Variants in IMMP2L observed in about 807,000 individuals in gnomAD.
The protein encoded by IMMP2L is inner mitochondrial membrane peptidase subunit 2.
IMMP2L carries 18 observed loss-of-function variants against 19.3 expected under a neutral mutation model. That is an observed-to-expected ratio of 0.93 (90% confidence interval 0.64 to 1.38). The LOEUF (loss-of-function observed/expected upper bound fraction) is 1.38, where lower values mean the gene tolerates loss of function less well. Ranked by LOEUF, IMMP2L falls within the 40% of genes most tolerant of loss-of-function variation. The probability of loss-of-function intolerance (pLI) is 0.00; values close to 1 mark genes in which losing one functional copy is unlikely to be tolerated. For missense variants in IMMP2L, 233 were observed against 218.2 expected (o/e 1.07, Z -0.43); for synonymous variants, 76 against 73.0 (o/e 1.04, Z -0.21).
At chr7:110,754,703 A>G (rs1457767955) in intron 5 of IMMP2L, among the ~76,000 whole-genome samples, 1 of 152,082 alleles carries the variant, frequency 6.6e-6, no homozygotes, top group Non-Finnish European at 1.5e-5. Flanking sequence ...AGAAAAACTA[A>G]TATACAAAAG....
intron 3 of IMMP2L, among the ~76,000 whole-genome samples, chr7:110,994,930 A>C (rs1201536783): frequency 1.3e-5 from 2 of 152,166 alleles, no homozygotes; most frequent in African/African-American, 4.8e-5. Flanking sequence ...CAAGAAATAA[A>C]GAAACATATT....
chr7:111,117,158 A>G (rs1223216468), intron 3 of IMMP2L, among the ~76,000 whole-genome samples: 2 of 152,160 alleles, frequency 1.3e-5, no homozygotes, highest in Non-Finnish European at 2.9e-5. Context: ...GCATGGGACT[A>G]GAGTATTGAA....
chr7:111,222,474 A>AT (rs201850569), intron 3 of IMMP2L, among the ~76,000 whole-genome samples: 62 of 150,136 alleles, frequency 4.1e-4, no homozygotes, highest in Admixed American at 1.9e-3. Flanking sequence ...CATCAACAGT[A>AT]TTTTTTTTTT....
Position 111,162,757 on chromosome 7 carries a change from T to A in IMMP2L, c.240-199192A>T, listed in dbSNP as rs1019466460. Among the ~76,000 whole-genome samples, 5 of 151,824 alleles carry A rather than the reference T, an allele frequency of 3.3e-5. No homozygotes were observed. In the South Asian group the frequency reaches 8.3e-4, roughly 25 times the overall value. ...CCAAACTCTTGTCAGAATCCTCTGA[T>A]CTCCGCTTGACTAAGCCTCAAACTT... On this transcript the variant is annotated intron_variant, in intron 3 of 5. Coordinates refer to ENST00000405709, the MANE Select transcript of IMMP2L (RefSeq NM_032549.4).
At chr7:111,077,687 C>T (rs1795533102) in intron 3 of IMMP2L, among the ~76,000 whole-genome samples, 1 of 152,212 alleles carries the variant, frequency 6.6e-6, no homozygotes, top group Non-Finnish European at 1.5e-5. Flanking sequence ...TTTAAGTGTA[C>T]TAATATCTCC....
chr7:111,051,265 T>C (rs12538761), intron 3 of IMMP2L, among the ~76,000 whole-genome samples: 3 of 152,018 alleles, frequency 2.0e-5, no homozygotes, highest in Non-Finnish European at 1.5e-5. Context: ...AGCATTTTAA[T>C]AAAACTATGC....
intron 4 of IMMP2L, among the ~76,000 whole-genome samples, chr7:110,950,856 A>ATATATATATATATATG (rs1817741234): frequency 7.9e-6 from 1 of 126,090 alleles, no homozygotes; most frequent in African/African-American, 3.9e-5. Context: ...ATATATATAT[A>ATATATATATATATATG]TATATATATA....
At chr7:110,720,570 C>T (rs1318101430) in intron 5 of IMMP2L, among the ~76,000 whole-genome samples, 2 of 152,180 alleles carry the variant, frequency 1.3e-5, no homozygotes, top group East Asian at 1.9e-4. Flanking sequence ...GGATGTCTCA[C>T]GTACATACAA....
chr7:111,555,032 G>A (rs868627295), intron 1 of IMMP2L, among the ~76,000 whole-genome samples: 3 of 152,020 alleles, frequency 2.0e-5, no homozygotes, highest in Admixed American at 1.3e-4. Flanking sequence ...CTAGCTTAGC[G>A]CTCCAATAAT....
chr7:111,235,689 T>G (rs1814224427), intron 3 of IMMP2L, among the ~76,000 whole-genome samples: 1 of 151,996 alleles, frequency 6.6e-6, no homozygotes, highest in Non-Finnish European at 1.5e-5. Context: ...CATCTTCTTG[T>G]GCTTGGGGTT....
intron 3 of IMMP2L, among the ~76,000 whole-genome samples, chr7:111,115,566 C>A (rs187505199): frequency 6.6e-6 from 1 of 152,068 alleles, no homozygotes; most frequent in Non-Finnish European, 1.5e-5. Flanking sequence ...CTGTAAACTA[C>A]CCTTTCTAAA....
At chr7:111,317,721 G>A (rs1824261591) in intron 3 of IMMP2L, among the ~76,000 whole-genome samples, 2 of 152,108 alleles carry the variant, frequency 1.3e-5, no homozygotes, top group African/African-American at 2.4e-5. Context: ...CTTGGTTAGT[G>A]AGGGTGTTGA....
At chr7:111,138,621 C>T (rs750571316) in intron 3 of IMMP2L, among the ~76,000 whole-genome samples, 4 of 152,054 alleles carry the variant, frequency 2.6e-5, no homozygotes, top group Admixed American at 1.3e-4. Flanking sequence ...AAATAAAACC[C>T]TGCAAAATGG....
intron 3 of IMMP2L, among the ~76,000 whole-genome samples, chr7:111,151,229 T>A (rs1278151201): frequency 6.6e-6 from 1 of 152,256 alleles, no homozygotes; most frequent in African/African-American, 2.4e-5. Flanking sequence ...GCCTCAGTTC[T>A]ACTGATAGCC....
At chr7:111,462,086 T>C (rs1840186447) in intron 3 of IMMP2L, among the ~76,000 whole-genome samples, 1 of 151,404 alleles carries the variant, frequency 6.6e-6, no homozygotes, top group Non-Finnish European at 1.5e-5. Context: ...TTTATACTTA[T>C]TTATATATTT....
At chr7:111,293,836 A>G (rs759842802) in intron 3 of IMMP2L, among the ~76,000 whole-genome samples, 1 of 151,912 alleles carries the variant, frequency 6.6e-6, no homozygotes, top group Non-Finnish European at 1.5e-5. Context: ...GAGAAGGTAA[A>G]TAACTGTTCA....
intron 3 of IMMP2L, among the ~76,000 whole-genome samples, chr7:111,225,149 T>G (rs1165594432): frequency 6.6e-6 from 1 of 152,104 alleles, no homozygotes; most frequent in Non-Finnish European, 1.5e-5. Flanking sequence ...TTGGCAGACA[T>G]TTTCACAAAA....
At chr7:111,156,232 G>C (rs1179886234) in intron 3 of IMMP2L, among the ~76,000 whole-genome samples, 1 of 151,890 alleles carries the variant, frequency 6.6e-6, no homozygotes, top group Admixed American at 6.6e-5. Flanking sequence ...AGAATAGGTG[G>C]GTCATAGGAG....
In IMMP2L at chr7:111,103,734, A is replaced by G. The variant is rs900574163; in HGVS notation, c.240-140169T>C. Reference sequence around the variant, plus strand: ...ACCACTCTGTATGTGTCGGGTGCAGAAGAACTTTTTTATACTATGAACTTT... The same window carrying G: ...ACCACTCTGTATGTGTCGGGTGCAGGAGAACTTTTTTATACTATGAACTTT... On this transcript the variant is annotated intron_variant, in intron 3 of 5. Transcript: ENST00000405709. 2.6e-5 allele frequency among the ~76,000 whole-genome samples: 4 copies of G among 151,770 alleles called. No homozygotes were observed. In the South Asian group the frequency reaches 8.3e-4, roughly 31 times the overall value.
Sources: allele counts gnomAD v4.1 joint callset (sites outside exome capture counted in the v4.1 genomes callset), GRCh38; gene constraint gnomAD v4.1.1; transcripts MANE v1.5; gene names NCBI Gene and HGNC (gene_info 2026-07-23, HGNC 2026-07-21).